The following DRG1 variants were observed in gnomAD, a reference collection of about 807,000 sequenced individuals.
DRG1 encodes developmentally-regulated GTP-binding protein 1.
Under a neutral mutation model 38.8 loss-of-function variants are expected in DRG1, and 19 were observed. The ratio of observed to expected loss-of-function variants is 0.49; its 90% CI spans 0.34 to 0.72. The LOEUF is 0.72. Ranked by LOEUF, DRG1 falls within the 30% of genes least tolerant of loss-of-function variation. The pLI is 0.01. For synonymous variants in DRG1, 167 were observed against 157.5 expected, an observed-to-expected ratio of 1.06 and a Z score of -0.45; for missense variants, 299 against 444.8, an observed-to-expected ratio of 0.67 and a Z score of 2.95.
chr22:31,433,814 A>G, intron 8 of DRG1, 58 bp from the exon 9 acceptor site: 2 of 1,530,716 alleles, frequency 1.3e-6, no homozygotes, highest in Non-Finnish European at 1.8e-6. Flanking sequence ...CATCCAGGCA[A>G]ATAGGGCAGA....
In DRG1 at chr22:31,427,078, C is replaced by T; in HGVS notation, c.900C>T (p.Gly300=). The change falls in exon 8 of 9, where the codon GGC becomes GGT. Residue 300 remains glycine, a synonymous_variant. Coordinates refer to ENST00000331457, the MANE Select transcript of DRG1 (RefSeq NM_004147.4). ...KLVRIYTKPK[G]QLPDYTSPVV... is the part of the protein sequence containing the mutation. ...ATTCTAGTTACACCAAACCCAAAGG[C>T]CAGTTACCAGATTACACATCCCCAG... is the stretch of plus-strand genomic sequence containing the variant. 1.9e-6 allele frequency: 3 copies of T among 1,613,986 alleles called. No homozygotes were observed. Among genetic ancestry groups the T allele is most frequent in the African/African-American group, 1.3e-5 (1 of 75,016 alleles).
chr22:31,414,608 T>A (rs1362646904), intron 4 of DRG1, among the ~76,000 whole-genome samples: 2 of 152,128 alleles, frequency 1.3e-5, no homozygotes, highest in Non-Finnish European at 2.9e-5. Context: ...TGTGTTGTTA[T>A]ATCCAGCTGG....
intron 4 of DRG1, among the ~76,000 whole-genome samples, chr22:31,417,965 CAACAAGAGTGA>C (rs1296273558): frequency 2.1e-5 from 3 of 143,960 alleles, no homozygotes; most frequent in Non-Finnish European, 4.5e-5. Context: ...CCAGCCTGGG[CAACAAGAGTGA>C]AACTCCATCT....
At chr22:31,423,446 T>C (rs749209091) in intron 6 of DRG1, 36 bp downstream of exon 6, 26 of 1,612,014 alleles carry the variant, frequency 1.6e-5, no homozygotes, top group South Asian at 9.9e-5. Context: ...CCTGACTGAA[T>C]TGGAAGCCTT....
At chr22:31,400,790 C>A (rs533977911) in intron 2 of DRG1, 47 bp downstream of exon 2, 2 of 1,575,990 alleles carry the variant, frequency 1.3e-6, no homozygotes, top group South Asian at 2.2e-5. Context: ...TAATTTTTGT[C>A]AAAATAGTAC....
At chr22:31,431,023 C>G (rs866868093) in intron 8 of DRG1, among the ~76,000 whole-genome samples, 5 of 73,980 alleles carry the variant, frequency 6.8e-5, no homozygotes, top group Non-Finnish European at 9.3e-5. Context: ...CGGCCTTCCC[C>G]CCCCCCCCCC....
At position 31,420,269 on chromosome 22, in the gene DRG1, T is replaced by C; in HGVS notation, c.426T>C (p.Cys142=). ...CTTACTCTTCAGTGGCCCGAACCTG[T>C]AACTTGATCTTGATTGTTCTGGATG... ...GRQVIAVART[C]NLILIVLDVL... is the part of the protein sequence containing the mutation. The change falls in exon 5 of 9, where the codon TGT becomes TGC. Residue 142 remains cysteine, a synonymous_variant. Transcript: ENST00000331457. The C allele has an allele frequency of 6.2e-7, 1 of 1,614,068 alleles. No individual in the cohort carries two copies. Among genetic ancestry groups the C allele is most frequent in the African/African-American group, 1.3e-5 (1 of 75,058 alleles).
intron 6 of DRG1, among the ~76,000 whole-genome samples, chr22:31,424,800 G>GCCCCCC (rs35314205): frequency 6.5e-5 from 1 of 15,308 alleles, no homozygotes; most frequent in Non-Finnish European, 1.1e-4. Context: ...CCCGGCACCC[G>GCCCCCC]CCCCCCCCCC....
chr22:31,419,141 T>C (rs1375338227), intron 4 of DRG1, among the ~76,000 whole-genome samples: 1 of 151,822 alleles, frequency 6.6e-6, no homozygotes, highest in Non-Finnish European at 1.5e-5. Flanking sequence ...ACAAATGAAT[T>C]TTAATATAGA....
At chr22:31,402,973 A>G (rs2049971237) in intron 2 of DRG1, 56 bp from the exon 3 acceptor site, 1 of 1,532,344 alleles carries the variant, frequency 6.5e-7, no homozygotes, top group African/African-American at 1.4e-5. Flanking sequence ...AAGTTATATG[A>G]GTCTTAACAC....
chr22:31,411,489 C>T (rs78153258), intron 4 of DRG1, among the ~76,000 whole-genome samples: 3,256 of 151,628 alleles, frequency 0.021, 45 homozygotes, highest in African/African-American at 0.039. Flanking sequence ...AATAACTTCC[C>T]CAGAGAAGAT....
At chr22:31,425,505 A>G (rs2050105183) in intron 6 of DRG1, among the ~76,000 whole-genome samples, 1 of 148,362 alleles carries the variant, frequency 6.7e-6, no homozygotes, top group South Asian at 2.1e-4. Flanking sequence ...CAGTGGTGTG[A>G]TCACGGCTTA....
At chr22:31,414,478 T>C (rs1023698730) in intron 4 of DRG1, among the ~76,000 whole-genome samples, 14 of 152,098 alleles carry the variant, frequency 9.2e-5, no homozygotes, top group African/African-American at 3.4e-4. Context: ...AACAAAAAAA[T>C]TCTTGATCTC....
At position 31,423,339 on chromosome 22, in the gene DRG1, T is replaced by A. The variant is rs2050087733; in HGVS notation, c.642T>A (p.Ile214=). The A allele has an allele frequency of 6.2e-7, 1 of 1,614,092 alleles. No homozygotes were observed. The highest frequency in any genetic ancestry group is 2.2e-5 in the East Asian group (1 of 44,880). The change falls in exon 6 of 9, where the codon ATT becomes ATA. Residue 214 remains isoleucine, a synonymous_variant. Coordinates refer to ENST00000331457, the MANE Select transcript of DRG1 (RefSeq NM_004147.4). ...TVKSILAEYK[I]HNADVTLRSD... ...AGAGCATTCTGGCTGAATACAAGAT[T>A]CATAATGCCGATGTGACTCTACGTA...
chr22:31,431,583 G>A, intron 8 of DRG1, among the ~76,000 whole-genome samples: 1 of 152,088 alleles, frequency 6.6e-6, no homozygotes. Flanking sequence ...GATTGCTTGA[G>A]CCCAGGAGGT....
intron 3 of DRG1, among the ~76,000 whole-genome samples, chr22:31,410,591 A>C (rs2050013160): frequency 6.6e-6 from 1 of 151,042 alleles, no homozygotes; most frequent in African/African-American, 2.4e-5. Flanking sequence ...ATGCCGGTGG[A>C]TCCCTGAGGT....
chr22:31,427,037 T>C (rs1430674498), intron 7 of DRG1, 23 bp from the exon 8 acceptor site: 1 of 1,613,320 alleles, frequency 6.2e-7, no homozygotes, highest in South Asian at 1.1e-5. Context: ...AAGGCAGTAA[T>C]CTTTATGCCC....
At chr22:31,400,850 C>T (rs1279229333) in intron 2 of DRG1, 107 bp downstream of exon 2, 10 of 1,297,760 alleles carry the variant, frequency 7.7e-6, no homozygotes, top group Middle Eastern at 2.9e-4. Flanking sequence ...AGTGGCTCAA[C>T]GCCTGCAATC....
chr22:31,409,077 C>A (rs1201594449), intron 3 of DRG1, among the ~76,000 whole-genome samples: 3 of 151,860 alleles, frequency 2.0e-5, no homozygotes, highest in Non-Finnish European at 2.9e-5. Context: ...TTTTTAAAAT[C>A]TTTTAAAATT....
Sources: allele counts gnomAD v4.1 joint callset (sites outside exome capture counted in the v4.1 genomes callset), GRCh38; gene constraint gnomAD v4.1.1; transcripts MANE v1.5; gene names NCBI Gene and HGNC (gene_info 2026-07-23, HGNC 2026-07-21).